The following IL1RAPL1 variants were observed in gnomAD, a reference collection of about 807,000 sequenced individuals.
IL1RAPL1 encodes the protein interleukin-1 receptor accessory protein-like 1.
Under a neutral mutation model 48.4 loss-of-function variants are expected in IL1RAPL1, and 3 were observed. That is an observed-to-expected ratio of 0.06 (90% CI 0.03 to 0.16). The LOEUF is 0.16. Among genes scored for constraint, IL1RAPL1 ranks in the 10% least tolerant of loss-of-function variants. IL1RAPL1 has a pLI of 1.00. For synonymous variants in IL1RAPL1, 185 were observed against 187.7 expected, an observed-to-expected ratio of 0.99 and a Z score of 0.12; for missense variants, 349 against 530.6, an observed-to-expected ratio of 0.66 and a Z score of 3.36.
At chrX:29,769,206 ATTTC>A (rs1171057945) in intron 6 of IL1RAPL1, among the ~76,000 whole-genome samples, 199 of 110,367 alleles carry the variant, frequency 1.8e-3, no homozygotes, top group Non-Finnish European at 2.6e-3. Flanking sequence ...GAATTATTTT[ATTTC>A]TTTTTATTAC....
chrX:29,119,969 C>A (rs1212338714), intron 2 of IL1RAPL1, among the ~76,000 whole-genome samples: 1 of 111,581 alleles, frequency 9.0e-6, no homozygotes, highest in Non-Finnish European at 1.9e-5. Context: ...AACTTCAGCT[C>A]CTTCTAGTAT....
intron 8 of IL1RAPL1, 118 bp from the exon 9 acceptor site, chrX:29,941,533 G>T: frequency 2.7e-6 from 2 of 743,000 alleles, no homozygotes; most frequent in Non-Finnish European, 4.2e-6. Context: ...AAGGGGTTGT[G>T]TCAACCCGTT....
At chrX:29,757,248 C>G (rs1928641275) in intron 6 of IL1RAPL1, among the ~76,000 whole-genome samples, 1 of 111,995 alleles carries the variant, frequency 8.9e-6, no homozygotes, top group Non-Finnish European at 1.9e-5. Flanking sequence ...TTGCATAGCT[C>G]ATAAAATTAT....
intron 1 of IL1RAPL1, among the ~76,000 whole-genome samples, chrX:28,681,357 CA>C (rs1314562713): frequency 9.0e-6 from 1 of 111,085 alleles, no homozygotes; most frequent in Non-Finnish European, 1.9e-5. Context: ...AACCCATTTT[CA>C]AAAACATAAA....
intron 1 of IL1RAPL1, among the ~76,000 whole-genome samples, chrX:28,695,025 T>G (rs764218810): frequency 3.6e-4 from 40 of 111,442 alleles, no homozygotes; most frequent in Non-Finnish European, 6.8e-4. Flanking sequence ...TGTTCTAACT[T>G]GGGCTCAACC....
chrX:28,932,891 A>G (rs779425522), intron 2 of IL1RAPL1, among the ~76,000 whole-genome samples: 2 of 111,123 alleles, frequency 1.8e-5, no homozygotes, highest in East Asian at 5.7e-4. Context: ...TCAAAATGCC[A>G]AAGTTATCAG....
At position 29,706,774 on chromosome X, in the gene IL1RAPL1, C is replaced by T. The variant is rs187767564; in HGVS notation, c.778+38270C>T. Among the ~76,000 whole-genome samples, 413 of 111,884 alleles carry T rather than the reference C, an allele frequency of 3.7e-3. 2 individuals are homozygous for T. Among genetic ancestry groups the T allele is most frequent in the Middle Eastern group, 9.3e-3 (2 of 216 alleles). On this transcript the variant is annotated intron_variant, in intron 6 of 10. Coordinates refer to ENST00000378993, the MANE Select transcript of IL1RAPL1 (RefSeq NM_014271.4). ...GAAGAATGAAACTGGATCCTCATCT[C>T]TCACTTTATACAAAAATCAACTCAA...
chrX:29,109,571 G>A (rs941320365), intron 2 of IL1RAPL1, among the ~76,000 whole-genome samples: 2 of 111,086 alleles, frequency 1.8e-5, no homozygotes, highest in African/African-American at 6.5e-5. Flanking sequence ...GATGGGCTTT[G>A]AATCAACCAA....
chrX:29,310,387 C>T (rs573569670), intron 3 of IL1RAPL1, among the ~76,000 whole-genome samples: 67 of 110,432 alleles, frequency 6.1e-4, no homozygotes, highest in South Asian at 1.1e-3. Context: ...CAGAACATAG[C>T]AAAATAGCAA....
intron 2 of IL1RAPL1, among the ~76,000 whole-genome samples, chrX:28,892,647 G>A (rs1019012270): frequency 3.6e-5 from 4 of 110,193 alleles, no homozygotes; most frequent in South Asian, 3.9e-4. Flanking sequence ...GAAAATTTTC[G>A]TGGTGGTGTG....
At chrX:29,038,572 G>A (rs1296397370) in intron 2 of IL1RAPL1, among the ~76,000 whole-genome samples, 1 of 111,349 alleles carries the variant, frequency 9.0e-6, no homozygotes, top group East Asian at 2.8e-4. Context: ...ACCAAACCAT[G>A]CTTCTGGAGT....
chrX:29,810,904 C>G (rs1283492068), intron 6 of IL1RAPL1, among the ~76,000 whole-genome samples: 2 of 111,775 alleles, frequency 1.8e-5, no homozygotes, highest in African/African-American at 6.5e-5. Context: ...ATAATAAACC[C>G]CTTCTTTTAC....
At chrX:29,230,502 A>AC (rs1931169576) in intron 2 of IL1RAPL1, among the ~76,000 whole-genome samples, 1 of 76,766 alleles carries the variant, frequency 1.3e-5, no homozygotes, top group African/African-American at 5.0e-5. Context: ...TGGTCCCTTT[A>AC]CCAAAAAAAA....
At chrX:29,890,480 C>G (rs114918903) in intron 6 of IL1RAPL1, among the ~76,000 whole-genome samples, 1 of 111,178 alleles carries the variant, frequency 9.0e-6, no homozygotes, top group Non-Finnish European at 1.9e-5. Context: ...GAAGGACTAA[C>G]GAAGAACCTG....
intron 5 of IL1RAPL1, among the ~76,000 whole-genome samples, chrX:29,577,722 C>G (rs6526891): frequency 0.5 from 55,615 of 110,639 alleles, 10,746 homozygotes; most frequent in African/African-American, 0.72. Context: ...AGGTATTTTT[C>G]AATAGCAACC....
intron 2 of IL1RAPL1, among the ~76,000 whole-genome samples, chrX:28,883,895 GA>G (rs1249140955): frequency 1.8e-5 from 2 of 111,823 alleles, no homozygotes; most frequent in Non-Finnish European, 3.8e-5. Flanking sequence ...ACATATCTTA[GA>G]AGTGTTTCTT....
intron 6 of IL1RAPL1, among the ~76,000 whole-genome samples, chrX:29,710,910 C>T (rs1486485456): frequency 2.8e-5 from 3 of 107,258 alleles, no homozygotes; most frequent in South Asian, 4.0e-4. Flanking sequence ...TGTGAATCTT[C>T]GGATCTGTTT....
chrX:28,641,355 A>T (rs1601843759), intron 1 of IL1RAPL1, among the ~76,000 whole-genome samples: 1 of 110,314 alleles, frequency 9.1e-6, no homozygotes, highest in African/African-American at 3.3e-5. Context: ...GAGAATGATG[A>T]TTTCCAGCTT....
intron 2 of IL1RAPL1, among the ~76,000 whole-genome samples, chrX:28,899,475 A>G (rs1569196011): frequency 8.9e-6 from 1 of 111,832 alleles, no homozygotes; most frequent in Admixed American, 9.5e-5. Context: ...CATTTTGAAT[A>G]GCAAGGAAAT....
Sources: gnomAD v4.1 joint callset for allele counts (sites outside exome capture counted in the v4.1 genomes callset) on GRCh38, gnomAD v4.1.1 for gene constraint, MANE v1.5 for transcripts, NCBI Gene and HGNC (gene_info 2026-07-23, HGNC 2026-07-21) for gene names.